Variants in MTMR14 observed in about 807,000 individuals in gnomAD.
MTMR14 encodes myotubularin related protein 14.
Under a neutral mutation model 86.3 loss-of-function variants are expected in MTMR14, and 48 were observed. The observed-to-expected ratio is 0.56, with a 90% CI of 0.44 to 0.71. MTMR14 has a LOEUF of 0.71. Ranked by LOEUF, MTMR14 falls within the 30% of genes least tolerant of loss-of-function variation. The probability of loss-of-function intolerance (pLI) is 0.00; values close to 1 mark genes in which losing one functional copy is unlikely to be tolerated. For synonymous variants in MTMR14, 366 were observed against 326.1 expected (o/e 1.12, Z -1.32); for missense variants, 780 against 834.6 (o/e 0.93, Z 0.81).
intron 2 of MTMR14, among the ~76,000 whole-genome samples, chr3:9,656,202 A>T (rs866524895): frequency 4.1e-5 from 6 of 147,666 alleles, no homozygotes; most frequent in South Asian, 2.1e-4. Flanking sequence ...TCAAAAAAAT[A>T]AAAAAAAAAG....
Position 9,688,763 on chromosome 3 carries a change from TG to T in MTMR14, c.1294+12del, listed in dbSNP as rs764308331. On this transcript the variant is annotated intron_variant, in intron 15 of 18. Coordinates refer to ENST00000296003, the MANE Select transcript of MTMR14 (RefSeq NM_001077525.3). ...AGACATCTGCATGCTGAGTGAGTCC[TG>T]GGCCCCAACAGACTTCCCTTCCTCC... 4 of 1,613,948 alleles carry T rather than the reference TG, an allele frequency of 2.5e-6. No individual in the cohort carries two copies. The African/African-American group carries it at 4.0e-5, about 16-fold the overall frequency.
Position 9,653,632 on chromosome 3 carries a change from T to C in MTMR14, c.171T>C (p.Ile57=). Residue 57 remains isoleucine (I), a synonymous_variant, in exon 2 of 19, where the codon ATT becomes ATC. Coordinates refer to ENST00000296003, the MANE Select transcript of MTMR14 (RefSeq NM_001077525.3). The stretch of plus-strand genomic sequence containing the variant: ...CCTTCTCTGTGCAGGTTGAGCGCAT[T>C]GAGAAGAGATGTCTGGAGCTGTTTG... ...SGTGGSKVER[I]EKRCLELFGR... 6.2e-7 allele frequency: 1 copy of C among 1,614,076 alleles called. No individual in the cohort carries two copies. Among genetic ancestry groups the C allele is most frequent in the South Asian group, 1.1e-5 (1 of 91,090 alleles).
At chr3:9,660,460 C>A (rs1448065619) in intron 2 of MTMR14, among the ~76,000 whole-genome samples, 2 of 152,038 alleles carry the variant, frequency 1.3e-5, no homozygotes, top group Non-Finnish European at 2.9e-5. Flanking sequence ...GGGGTTTCAC[C>A]ATGTTGGCCA....
intron 3 of MTMR14, among the ~76,000 whole-genome samples, chr3:9,667,689 C>T (rs561219409): frequency 1.2e-4 from 18 of 152,166 alleles, no homozygotes. Flanking sequence ...GCTGTCCCCA[C>T]GTCCCCACCC....
chr3:9,680,162 A>G (rs528234206), intron 9 of MTMR14, among the ~76,000 whole-genome samples: 13 of 152,294 alleles, frequency 8.5e-5, no homozygotes, highest in African/African-American at 2.2e-4. Flanking sequence ...AGAGTTGGCC[A>G]TGGCCCACCA....
At chr3:9,664,198 T>TG (rs996375986) in intron 3 of MTMR14, among the ~76,000 whole-genome samples, 10 of 151,228 alleles carry the variant, frequency 6.6e-5, no homozygotes, top group African/African-American at 1.9e-4. Flanking sequence ...TTTAAGGACA[T>TG]GCTTGCGAAA....
intron 2 of MTMR14, 31 bp from the exon 3 acceptor site, chr3:9,662,236 G>A: frequency 6.3e-7 from 1 of 1,594,120 alleles, no homozygotes; most frequent in African/African-American, 1.4e-5. Flanking sequence ...TTCAAAGTCA[G>A]CTTGACCTGC....
intron 13 of MTMR14, among the ~76,000 whole-genome samples, 182 bp from the exon 14 acceptor site, chr3:9,687,639 T>C (rs1028907245): frequency 2.0e-5 from 3 of 151,024 alleles, no homozygotes; most frequent in African/African-American, 7.3e-5. Flanking sequence ...CCCACATGCA[T>C]CTGCCAGGCC....
In MTMR14 at chr3:9,684,869, C is replaced by T. The variant is rs752632578; in HGVS notation, c.1051-19C>T. 1 of 1,613,354 alleles carries T rather than the reference C, an allele frequency of 6.2e-7. No individual in the cohort carries two copies. The highest frequency in any genetic ancestry group is 8.5e-7 in the Non-Finnish European group (1 of 1,179,296). On this transcript the variant is annotated intron_variant, in intron 11 of 18. Coordinates refer to ENST00000296003, the MANE Select transcript of MTMR14 (RefSeq NM_001077525.3). ...GGATGAGAAGAGGGCTCTGTCACAT[C>T]TCCTGTGGTCTCTTCCAGGATGGGC... is the stretch of plus-strand genomic sequence containing the variant.
chr3:9,665,427 G>A (rs1203465547), intron 3 of MTMR14, among the ~76,000 whole-genome samples: 1 of 152,124 alleles, frequency 6.6e-6, no homozygotes, highest in Non-Finnish European at 1.5e-5. Context: ...TAGCGGGTAC[G>A]CATGGTCATA....
intron 1 of MTMR14, among the ~76,000 whole-genome samples, chr3:9,653,242 A>T (rs1362201071): frequency 6.6e-6 from 1 of 152,222 alleles, no homozygotes; most frequent in Non-Finnish European, 1.5e-5. Flanking sequence ...CTCAAAAAAT[A>T]AATAAGAGAA....
intron 15 of MTMR14, 33 bp downstream of exon 15, chr3:9,688,787 T>A (rs2076044834): frequency 1.9e-6 from 3 of 1,613,248 alleles, no homozygotes; most frequent in East Asian, 4.5e-5. Flanking sequence ...CTTCCCTTCC[T>A]CCATACATCT....
chr3:9,674,052 T>C (rs559422816), intron 7 of MTMR14, among the ~76,000 whole-genome samples: 27 of 152,170 alleles, frequency 1.8e-4, no homozygotes, highest in Non-Finnish European at 3.7e-4. Flanking sequence ...CTGGAACCAC[T>C]GGGTAACTCC....
rs758138654 is a variant in MTMR14 at position 9,701,668 on chromosome 3, A to G, written c.1770-122A>G. On this transcript the variant is annotated intron_variant, in intron 18 of 18. Coordinates refer to ENST00000296003, the MANE Select transcript of MTMR14 (RefSeq NM_001077525.3). The surrounding 1 kb of genome is among the most constrained non-coding windows in gnomAD (Gnocchi z 4.2). Reference sequence around the variant, plus strand: ...CACAAGGATAGCATGGCCGTAGGACAGACACTGGCCTTGTACAGTCAGAAG... The same window carrying G: ...CACAAGGATAGCATGGCCGTAGGACGGACACTGGCCTTGTACAGTCAGAAG... The G allele has an allele frequency of 1.4e-5, 17 of 1,176,706 alleles. No homozygotes were observed. Among genetic ancestry groups the G allele is most frequent in the East Asian group, 9.6e-5 (4 of 41,812 alleles). The allele number at this position is 1,176,706 out of a possible 1,614,324, so 72.9% of individuals were successfully genotyped here.
At chr3:9,655,489 A>T (rs2047545800) in intron 2 of MTMR14, among the ~76,000 whole-genome samples, 1 of 19,174 alleles carries the variant, frequency 5.2e-5, no homozygotes, top group Non-Finnish European at 7.3e-5. Flanking sequence ...TTTGAGACAG[A>T]GTGCTCTGTC....
In MTMR14 at chr3:9,701,776, T is replaced by C; in HGVS notation, c.1770-14T>C. 1 of 1,613,374 alleles carries C rather than the reference T, an allele frequency of 6.2e-7. No homozygotes were observed. The highest frequency in any genetic ancestry group is 8.5e-7 in the Non-Finnish European group (1 of 1,180,026). ...AGGGTAATGTCTTTGTTCTTTCTCT[T>C]GACCTCCCCATAGGCTTGCAGCCCT... On this transcript the variant is annotated splice_polypyrimidine_tract_variant and intron_variant, in intron 18 of 18. Coordinates refer to ENST00000296003, the MANE Select transcript of MTMR14 (RefSeq NM_001077525.3). The surrounding 1 kb of genome is among the most constrained non-coding windows in gnomAD (Gnocchi z 4.2).
rs2076455124 is a variant in MTMR14 at position 9,701,474 on chromosome 3, A to G, written c.1770-316A>G. On this transcript the variant is annotated intron_variant, in intron 18 of 18. Coordinates refer to ENST00000296003, the MANE Select transcript of MTMR14 (RefSeq NM_001077525.3). The surrounding 1 kb of genome is among the most constrained non-coding windows in gnomAD (Gnocchi z 4.2). Reference sequence around the variant, plus strand: ...TGGCTTGAGGCTACAGTGAGCGCTGATTGTGTCACTGCATTCCAGCCTGGG... The same window carrying G: ...TGGCTTGAGGCTACAGTGAGCGCTGGTTGTGTCACTGCATTCCAGCCTGGG... 2.6e-6 allele frequency: 1 copy of G among 382,794 alleles called. No individual in the cohort carries two copies. The highest frequency in any genetic ancestry group is 2.4e-5 in the African/African-American group (1 of 40,826). The allele number at this position is 382,794 out of a possible 1,614,324, so 23.7% of individuals were successfully genotyped here.
chr3:9,682,265 C>T (rs901204171), intron 9 of MTMR14, among the ~76,000 whole-genome samples: 1 of 152,180 alleles, frequency 6.6e-6, no homozygotes, highest in Non-Finnish European at 1.5e-5. Context: ...GTGGGAGGGT[C>T]AGGTAAATGA....
intron 5 of MTMR14, among the ~76,000 whole-genome samples, chr3:9,670,427 G>C (rs572038150): frequency 6.6e-6 from 1 of 152,334 alleles, no homozygotes; most frequent in African/African-American, 2.4e-5. Context: ...AAAAAGTAAT[G>C]GCGACTGTTT....
Sources: allele counts gnomAD v4.1 joint callset (sites outside exome capture counted in the v4.1 genomes callset), GRCh38; gene constraint gnomAD v4.1.1; non-coding constraint Gnocchi (gnomAD v3.1); transcripts MANE v1.5; gene names NCBI Gene and HGNC (gene_info 2026-07-23, HGNC 2026-07-21).